The following MADD variants were observed in gnomAD, a reference collection of about 807,000 sequenced individuals.
MADD encodes the protein MAP kinase-activating death domain protein.
In MADD, 109 loss-of-function variants were observed where a neutral mutation model predicts 176.7. The ratio of observed to expected loss-of-function variants is 0.62; its 90% confidence interval spans 0.53 to 0.72. The LOEUF is 0.72. Ranked by LOEUF, MADD falls within the 30% of genes least tolerant of loss-of-function variation. The pLI is 0.00. For missense variants in MADD, 1,914 were observed against 2,045.5 expected (o/e 0.94, Z 1.24); for synonymous variants, 771 against 771.3 (o/e 1.00, Z 0.01).
chr11:47,310,907 CAA>C (rs34331746), intron 25 of MADD, among the ~76,000 whole-genome samples: 129 of 131,052 alleles, frequency 9.8e-4, no homozygotes, highest in Admixed American at 1.6e-3. Flanking sequence ...AAATCCATCT[CAA>C]AAAAAAAAAA....
upstream of MADD, chr11:47,270,131 C>A (rs578230364): frequency 3.9e-5 from 6 of 152,138 alleles, no homozygotes; most frequent in African/African-American, 1.2e-4. Context: ...TGCGTGCCCC[C>A]CAGTGCAGAC....
intron 15 of MADD, 29 bp from the exon 17 acceptor site, chr11:47,289,362 G>C (rs1416911091): frequency 6.4e-7 from 1 of 1,552,986 alleles, no homozygotes. Flanking sequence ...CAATAGTGAT[G>C]TCTCTCATTC....
Position 47,289,849 on chromosome 11 carries a change from G to C in MADD, c.2757-18G>C. 6.2e-7 allele frequency: 1 copy of C among 1,612,236 alleles called. No homozygotes were observed. The highest frequency in any genetic ancestry group is 8.5e-7 in the Non-Finnish European group (1 of 1,179,578). On this transcript the variant is annotated intron_variant, in intron 16 of 32. Coordinates refer to ENST00000402192, the Ensembl canonical transcript of MADD. ...CAAAGGAGCTGATGACCACAGAAGCGGTGTGTGGACCCTGTAGTGAGAACC... is the reference window on the plus strand; with the variant it reads ...CAAAGGAGCTGATGACCACAGAAGCCGTGTGTGGACCCTGTAGTGAGAACC...
chr11:47,283,743 TTG>T (rs2058721023), intron 10 of MADD, among the ~76,000 whole-genome samples: 1 of 152,158 alleles, frequency 6.6e-6, no homozygotes, highest in African/African-American at 2.4e-5. Context: ...AGCTAATTTT[TTG>T]TGTTTTTAGT....
At chr11:47,280,526 G>A (rs1592044823) in intron 7 of MADD, among the ~76,000 whole-genome samples, 2 of 152,146 alleles carry the variant, frequency 1.3e-5, no homozygotes, top group East Asian at 1.9e-4. Context: ...AGATGGAGAG[G>A]TTAATAAATG....
At chr11:47,310,908 A>C (rs2088333246) in intron 25 of MADD, among the ~76,000 whole-genome samples, 1 of 2,842 alleles carries the variant, frequency 3.5e-4, no homozygotes, top group African/African-American at 1.4e-3. Context: ...AATCCATCTC[A>C]AAAAAAAAAA....
intron 22 of MADD, among the ~76,000 whole-genome samples, chr11:47,306,610 T>C (rs928467474): frequency 6.6e-6 from 1 of 151,884 alleles, no homozygotes; most frequent in African/African-American, 2.4e-5. Flanking sequence ...AGTTCCTCCT[T>C]GTTCCCAGCT....
chr11:47,301,619 A>G (rs892285623), intron 22 of MADD, among the ~76,000 whole-genome samples: 1 of 152,058 alleles, frequency 6.6e-6, no homozygotes, highest in Non-Finnish European at 1.5e-5. Flanking sequence ...AGGTTTTGGT[A>G]TGCTGTGTTT....
intron 5 of MADD, among the ~76,000 whole-genome samples, chr11:47,277,429 A>G (rs776162618): frequency 2.0e-5 from 3 of 152,092 alleles, no homozygotes; most frequent in African/African-American, 4.8e-5. Flanking sequence ...AGTAGCTGGG[A>G]TTACAGGCAC....
chr11:47,321,923 G>A (rs1008967868), intron 27 of MADD, among the ~76,000 whole-genome samples: 7 of 152,078 alleles, frequency 4.6e-5, no homozygotes, highest in African/African-American at 1.7e-4. Flanking sequence ...AGTTTGAGGT[G>A]CTACATGTGA....
At chr11:47,280,552 AAATT>A (rs938285461) in intron 7 of MADD, among the ~76,000 whole-genome samples, 5 of 151,934 alleles carry the variant, frequency 3.3e-5, no homozygotes, top group East Asian at 1.9e-4. Flanking sequence ...ATATTTAATT[AAATT>A]AATTAATTAA....
intron 19 of MADD, among the ~76,000 whole-genome samples, 182 bp from the exon 22 acceptor site, chr11:47,293,701 T>A (rs2067482727): frequency 6.6e-6 from 1 of 152,152 alleles, no homozygotes; most frequent in African/African-American, 2.4e-5. Context: ...TTTGTCCTAC[T>A]TGGTTCTTAA....
intron 22 of MADD, among the ~76,000 whole-genome samples, chr11:47,300,721 C>T (rs987389423): frequency 1.3e-5 from 2 of 152,120 alleles, no homozygotes; most frequent in African/African-American, 4.8e-5. Context: ...TAGTCTTGAA[C>T]TCCAGGCCTC....
rs1346365742 is a variant in MADD at position 47,289,042 on chromosome 11, T to A, written c.2654-349T>A. The A allele has an allele frequency of 1.9e-6, 3 of 1,584,108 alleles. No homozygotes were observed. The highest frequency in any genetic ancestry group is 2.8e-5 in the African/African-American group (2 of 72,602). ...GAGTGGTGAAGGTGGGTCTTGCCTG[T>A]GAGCTGTGCATGATCTTTTTTTTTT... On this transcript the variant is annotated intron_variant, in intron 15 of 32. Transcript: ENST00000402192.
At chr11:47,329,536 G>C (rs967515771) in exon 33 of MADD, 1 of 187,074 alleles carries the variant, frequency 5.3e-6, no homozygotes, top group Non-Finnish European at 1.1e-5. Context: ...ATGACTGGGC[G>C]CCTGGAGCAG....
chr11:47,284,849 C>G, intron 12 of MADD, 92 bp from the exon 13 acceptor site: 1 of 1,530,064 alleles, frequency 6.5e-7, no homozygotes, highest in Non-Finnish European at 8.8e-7. Context: ...GGCTAGAAAT[C>G]TGACAGGCCT....
chr11:47,308,620 A>G, exon 23 of MADD: 1 of 1,614,008 alleles, frequency 6.2e-7, no homozygotes, highest in Non-Finnish European at 8.5e-7. Flanking sequence ...AGCCAAGCAT[A>G]AAGGAGAAGC....
intron 6 of MADD, 59 bp downstream of exon 6, chr11:47,278,337 T>A: frequency 1.7e-6 from 2 of 1,189,108 alleles, no homozygotes; most frequent in Non-Finnish European, 1.3e-6. Flanking sequence ...CTAGACCCAG[T>A]CCTGAGATAT....
intron 19 of MADD, 83 bp downstream of exon 21, chr11:47,292,679 T>C: frequency 7.3e-7 from 1 of 1,373,174 alleles, no homozygotes; most frequent in African/African-American, 1.4e-5. Flanking sequence ...GCTCCCTTTG[T>C]CAGCCCCACC....
Sources: gnomAD v4.1 joint callset for allele counts (sites outside exome capture counted in the v4.1 genomes callset) on GRCh38, gnomAD v4.1.1 for gene constraint, MANE v1.5 for transcripts, NCBI Gene and HGNC (gene_info 2026-07-23, HGNC 2026-07-21) for gene names.